SPOCK1: variants seen among roughly 807,000 people sequenced by gnomAD.
SPOCK1 encodes the protein SPARC (osteonectin), cwcv and kazal like domains proteoglycan 1.
SPOCK1 carries 23 observed loss-of-function variants against 55.3 expected under a neutral mutation model. That is an observed-to-expected ratio of 0.42 (90% confidence interval 0.30 to 0.59). The LOEUF is 0.59. Among genes scored for constraint, SPOCK1 ranks in the 20% least tolerant of loss-of-function variants. The probability of loss-of-function intolerance (pLI) is 0.22; values close to 1 mark genes in which losing one functional copy is unlikely to be tolerated. For missense variants in SPOCK1, 499 were observed against 552.5 expected (o/e 0.90, Z 0.97); for synonymous variants, 226 against 221.0 (o/e 1.02, Z -0.20).
At chr5:137,026,255 T>C (rs540394415) in intron 6 of SPOCK1, among the ~76,000 whole-genome samples, 6 of 152,380 alleles carry the variant, frequency 3.9e-5, no homozygotes, top group Admixed American at 2.6e-4. Flanking sequence ...TAATTTTATG[T>C]GTCAATGTGG....
At chr5:137,452,604 G>A (rs1393598625) in intron 2 of SPOCK1, among the ~76,000 whole-genome samples, 1 of 152,182 alleles carries the variant, frequency 6.6e-6, no homozygotes, top group East Asian at 1.9e-4. Flanking sequence ...TAGGTGACAT[G>A]TCTCATCTAA....
At chr5:137,369,983 C>T (rs998756566) in intron 2 of SPOCK1, among the ~76,000 whole-genome samples, 1 of 152,166 alleles carries the variant, frequency 6.6e-6, no homozygotes, top group East Asian at 1.9e-4. Context: ...CCACCAACCC[C>T]ACAGGATGAG....
chr5:137,258,965 C>T (rs1024739626), intron 3 of SPOCK1, among the ~76,000 whole-genome samples: 2 of 152,116 alleles, frequency 1.3e-5, no homozygotes, highest in Non-Finnish European at 2.9e-5. Flanking sequence ...AACTCATAGC[C>T]GACCCCAGCA....
intron 2 of SPOCK1, among the ~76,000 whole-genome samples, chr5:137,370,410 C>G (rs1346308960): frequency 6.6e-6 from 1 of 152,166 alleles, no homozygotes; most frequent in Non-Finnish European, 1.5e-5. Context: ...TAATAAGGCT[C>G]TAACAGGCAT....
intron 2 of SPOCK1, among the ~76,000 whole-genome samples, chr5:137,281,645 C>T (rs187388901): frequency 2.6e-5 from 4 of 152,238 alleles, no homozygotes; most frequent in Admixed American, 2.0e-4. Flanking sequence ...GCGGTGACAG[C>T]TCCTGCAAAA....
intron 3 of SPOCK1, among the ~76,000 whole-genome samples, chr5:137,241,447 G>C (rs964620329): frequency 6.6e-6 from 1 of 152,156 alleles, no homozygotes; most frequent in Non-Finnish European, 1.5e-5. Flanking sequence ...TACTGCCAAG[G>C]CTGGTTGGAA....
At position 137,459,353 on chromosome 5, in the gene SPOCK1, C is replaced by G. The variant is rs11748110; in HGVS notation, c.186+39020G>C. Reference sequence around the variant, plus strand: ...CCCTCAAACAAAAATAGGCAACTCCCAACTCCAAGCCTTAGGGGAACTTTC... The same window carrying G: ...CCCTCAAACAAAAATAGGCAACTCCGAACTCCAAGCCTTAGGGGAACTTTC... On this transcript the variant is annotated intron_variant, in intron 2 of 10. Transcript: ENST00000394945. Among the ~76,000 whole-genome samples, 1,397 of 152,146 alleles carry G rather than the reference C, an allele frequency of 9.2e-3. 8 individuals are homozygous for G. Among genetic ancestry groups the G allele is most frequent in the Non-Finnish European group, 0.014 (952 of 68,000 alleles).
chr5:137,189,445 G>C (rs1005807072), intron 3 of SPOCK1, among the ~76,000 whole-genome samples: 9 of 152,144 alleles, frequency 5.9e-5, no homozygotes, highest in Non-Finnish European at 1.3e-4. Flanking sequence ...TACTCTGCCT[G>C]TACTCTAAAA....
intron 2 of SPOCK1, among the ~76,000 whole-genome samples, chr5:137,470,044 G>A (rs1283365796): frequency 6.6e-6 from 1 of 152,124 alleles, no homozygotes; most frequent in Admixed American, 6.6e-5. Context: ...TACCCTTGAA[G>A]CTCCACCTCC....
chr5:136,989,650 T>C (rs1365363686), intron 7 of SPOCK1, among the ~76,000 whole-genome samples: 1 of 152,136 alleles, frequency 6.6e-6, no homozygotes, highest in Non-Finnish European at 1.5e-5. Flanking sequence ...AATTGTAGAA[T>C]GGAGATTCAG....
chr5:137,432,453 A>C (rs72798512), intron 2 of SPOCK1, among the ~76,000 whole-genome samples: 4,606 of 152,330 alleles, frequency 0.03, 109 homozygotes, highest in Non-Finnish European at 0.045. Flanking sequence ...CATATGACAC[A>C]CCATGAATGA....
chr5:137,398,904 A>G (rs532249798), intron 2 of SPOCK1, among the ~76,000 whole-genome samples: 35 of 152,326 alleles, frequency 2.3e-4, no homozygotes, highest in Non-Finnish European at 4.7e-4. Context: ...ATAGGTATAC[A>G]GCATGCACCA....
chr5:137,115,113 G>A (rs1426816195), intron 4 of SPOCK1, among the ~76,000 whole-genome samples: 2 of 152,134 alleles, frequency 1.3e-5, no homozygotes, highest in African/African-American at 2.4e-5. Context: ...ACGAGGTGAG[G>A]CTGACTGGTG....
intron 2 of SPOCK1, among the ~76,000 whole-genome samples, chr5:137,319,668 G>A (rs745771957): frequency 1.7e-4 from 26 of 152,180 alleles, no homozygotes; most frequent in African/African-American, 6.3e-4. Flanking sequence ...ACATGAGGCC[G>A]GGCGCGGTGG....
chr5:137,248,090 A>G (rs149088933), intron 3 of SPOCK1, among the ~76,000 whole-genome samples: 1 of 152,320 alleles, frequency 6.6e-6, no homozygotes, highest in African/African-American at 2.4e-5. Flanking sequence ...CTATTTCCCT[A>G]CACATAACTT....
At chr5:137,147,511 C>T (rs762164735) in intron 3 of SPOCK1, among the ~76,000 whole-genome samples, 4 of 152,208 alleles carry the variant, frequency 2.6e-5, no homozygotes, top group Non-Finnish European at 5.9e-5. Context: ...GGAGGGCCCT[C>T]TTCCTGGCTT....
At chr5:137,465,565 C>T (rs1365145399) in intron 2 of SPOCK1, among the ~76,000 whole-genome samples, 1 of 151,966 alleles carries the variant, frequency 6.6e-6, no homozygotes, top group African/African-American at 2.4e-5. Context: ...ACAGGCACAT[C>T]TCTGCAATAC....
intron 6 of SPOCK1, among the ~76,000 whole-genome samples, chr5:137,062,673 G>A (rs58511471): frequency 0.17 from 25,992 of 151,732 alleles, 3,226 homozygotes; most frequent in East Asian, 0.36. Flanking sequence ...CTTTGCTGAC[G>A]GGGCTGACTG....
chr5:137,279,132 T>C (rs1479594509), intron 2 of SPOCK1, among the ~76,000 whole-genome samples: 6 of 152,164 alleles, frequency 3.9e-5, no homozygotes, highest in Non-Finnish European at 7.3e-5. Context: ...GGAGGGCTTA[T>C]TTGGAGGGTG....
Sources: gnomAD v4.1 joint callset for allele counts (sites outside exome capture counted in the v4.1 genomes callset) on GRCh38, gnomAD v4.1.1 for gene constraint, MANE v1.5 for transcripts, NCBI Gene and HGNC (gene_info 2026-07-23, HGNC 2026-07-21) for gene names.